The following NEK10 variants were observed in gnomAD, a reference collection of about 807,000 sequenced individuals.
NEK10 encodes NIMA related kinase 10.
A neutral mutation model predicts 159.8 loss-of-function variants in NEK10; 122 were observed. The observed-to-expected ratio is 0.76, with a 90% CI of 0.66 to 0.89. NEK10 has a LOEUF of 0.89. Ranked by LOEUF, NEK10 falls within the 40% of genes least tolerant of loss-of-function variation. The pLI, the probability that NEK10 is intolerant of heterozygous loss-of-function variation, is 0.00. For missense variants in NEK10, 1,342 were observed against 1,323.1 expected (o/e 1.01, Z -0.22); for synonymous variants, 466 against 457.1 (o/e 1.02, Z -0.25).
At chr3:27,232,183 G>C (rs887825395) in intron 23 of NEK10, among the ~76,000 whole-genome samples, 17 of 151,350 alleles carry the variant, frequency 1.1e-4, no homozygotes, top group African/African-American at 3.9e-4. Context: ...CATCCAAAAA[G>C]CTCCTAGATC....
At chr3:27,125,948 G>A (rs1486810740) in intron 32 of NEK10, among the ~76,000 whole-genome samples, 3 of 152,144 alleles carry the variant, frequency 2.0e-5, no homozygotes, top group Admixed American at 6.6e-5. Flanking sequence ...AAGAGTGAAC[G>A]GTGGCTTGAC....
At chr3:27,274,655 A>G (rs2041633408) in intron 22 of NEK10, among the ~76,000 whole-genome samples, 1 of 152,012 alleles carries the variant, frequency 6.6e-6, no homozygotes, top group South Asian at 2.1e-4. Flanking sequence ...AGGCATACAC[A>G]CACACACATG....
intron 30 of NEK10, among the ~76,000 whole-genome samples, chr3:27,146,765 T>G (rs1297797301): frequency 6.6e-6 from 1 of 152,158 alleles, no homozygotes; most frequent in African/African-American, 2.4e-5. Flanking sequence ...CAGGAAGAAT[T>G]AGAAGGTCTT....
intron 35 of NEK10, among the ~76,000 whole-genome samples, chr3:27,111,546 CTT>C (rs1939539216): frequency 1.3e-5 from 2 of 152,128 alleles, no homozygotes; most frequent in Non-Finnish European, 2.9e-5. Flanking sequence ...ACTGATAACA[CTT>C]TGTAGTAGAA....
At chr3:27,345,589 A>G (rs1239609145) in intron 4 of NEK10, among the ~76,000 whole-genome samples, 1 of 152,184 alleles carries the variant, frequency 6.6e-6, no homozygotes, top group African/African-American at 2.4e-5. Flanking sequence ...GGCCCACAAG[A>G]ATGTGTAGCT....
At chr3:27,152,696 A>G (rs1368888979) in intron 30 of NEK10, among the ~76,000 whole-genome samples, 9 of 152,240 alleles carry the variant, frequency 5.9e-5, no homozygotes, top group Admixed American at 5.9e-4. Flanking sequence ...AATGGCCTAA[A>G]TGCTCTGCTT....
intron 5 of NEK10, 52 bp downstream of exon 5, chr3:27,344,220 G>A: frequency 1.2e-6 from 1 of 835,136 alleles, no homozygotes; most frequent in East Asian, 2.6e-5. Flanking sequence ...AGACAAGATA[G>A]ATGACATATG....
intron 1 of NEK10, among the ~76,000 whole-genome samples, chr3:27,362,241 T>C (rs9810435): frequency 8.8e-4 from 133 of 151,966 alleles, no homozygotes; most frequent in African/African-American, 3.1e-3. Flanking sequence ...GAGGACACAG[T>C]GAGTAGATGA....
At chr3:27,254,075 G>C (rs1476609241) in intron 23 of NEK10, among the ~76,000 whole-genome samples, 1 of 152,028 alleles carries the variant, frequency 6.6e-6, no homozygotes, top group Non-Finnish European at 1.5e-5. Context: ...CGGTGCGCAG[G>C]GCAACTCAAA....
chr3:27,315,605 CA>C (rs1381054328), intron 6 of NEK10, among the ~76,000 whole-genome samples: 1 of 151,376 alleles, frequency 6.6e-6, no homozygotes, highest in African/African-American at 2.4e-5. Context: ...CATTTAAAAC[CA>C]GTTATATTTA....
chr3:27,208,237 T>C (rs1356514569), intron 23 of NEK10, among the ~76,000 whole-genome samples: 4 of 151,918 alleles, frequency 2.6e-5, no homozygotes, highest in Admixed American at 2.0e-4. Flanking sequence ...CTCGGTGCAT[T>C]TTCTGGAAAA....
intron 23 of NEK10, among the ~76,000 whole-genome samples, chr3:27,220,202 T>C (rs1220108721): frequency 6.6e-6 from 1 of 152,244 alleles, no homozygotes; most frequent in Non-Finnish European, 1.5e-5. Context: ...AGAACACACA[T>C]CTTATAGTCC....
intron 30 of NEK10, among the ~76,000 whole-genome samples, chr3:27,150,232 T>C (rs1944698252): frequency 6.6e-6 from 1 of 152,208 alleles, no homozygotes; most frequent in Admixed American, 6.5e-5. Context: ...GATCTTCTTA[T>C]GATCCAGCTA....
intron 5 of NEK10, among the ~76,000 whole-genome samples, chr3:27,324,902 T>C (rs992543933): frequency 6.6e-6 from 1 of 152,188 alleles, no homozygotes; most frequent in Non-Finnish European, 1.5e-5. Context: ...CTCCCAGTCA[T>C]GCTGACCTTC....
In NEK10 at chr3:27,311,020, T is replaced by A; in HGVS notation, c.569-4A>T. 1 of 1,600,826 alleles carries A rather than the reference T, an allele frequency of 6.2e-7. No individual in the cohort carries two copies. The highest frequency in any genetic ancestry group is 8.6e-7 in the Non-Finnish European group (1 of 1,168,598). On this transcript the variant is annotated splice_polypyrimidine_tract_variant and splice_region_variant and intron_variant, in intron 8 of 35. Transcript: ENST00000691995. ...GCAGCAAGTTTTTGAAAAATATCTA[T>A]AAAGGAAAGAAAGAGCGCAAAGAGG...
At chr3:27,142,333 G>A (rs1943866378) in intron 30 of NEK10, among the ~76,000 whole-genome samples, 1 of 151,936 alleles carries the variant, frequency 6.6e-6, no homozygotes, top group African/African-American at 2.4e-5. Context: ...TTACCTACAA[G>A]GCCACCTCTG....
rs892205299 is a variant in NEK10, at chr3:27,286,962, A to G, written c.1789+736T>C. Among the ~76,000 whole-genome samples, 8 of 152,172 alleles carry G rather than the reference A, an allele frequency of 5.3e-5. No individual in the cohort carries two copies. The South Asian group carries it at 1.7e-3, about 32-fold the overall frequency. On this transcript the variant is annotated intron_variant, in intron 20 of 35. Transcript: ENST00000691995. ...TAACAAATGGCAAAATACACACACA[A>G]AAGGTTTTCTTAAATAACAATAGCA...
intron 22 of NEK10, among the ~76,000 whole-genome samples, chr3:27,270,751 A>C (rs1472974850): frequency 6.6e-6 from 1 of 152,088 alleles, no homozygotes; most frequent in Non-Finnish European, 1.5e-5. Flanking sequence ...CTCATTTGTC[A>C]CTACTTACAA....
chr3:27,368,132 A>T (rs1234953651), intron 1 of NEK10, among the ~76,000 whole-genome samples: 2 of 152,072 alleles, frequency 1.3e-5, no homozygotes, highest in African/African-American at 4.8e-5. Context: ...TTCTCTACTA[A>T]AAATACAAAA....
Sources: gnomAD v4.1 joint callset for allele counts (sites outside exome capture counted in the v4.1 genomes callset) on GRCh38, gnomAD v4.1.1 for gene constraint, MANE v1.5 for transcripts, NCBI Gene and HGNC (gene_info 2026-07-23, HGNC 2026-07-21) for gene names.